Variants in DPP10 observed in about 807,000 individuals in gnomAD.
DPP10 encodes inactive dipeptidyl peptidase 10.
In DPP10, 33 loss-of-function variants were observed where a neutral mutation model predicts 120.9. The observed-to-expected ratio is 0.27, with a 90% CI of 0.21 to 0.37. DPP10 has a LOEUF of 0.37. DPP10 is among the 10% of genes least tolerant of loss of function. The pLI, the probability that DPP10 is intolerant of heterozygous loss-of-function variation, is 1.00. For missense variants in DPP10, 816 were observed against 942.8 expected (o/e 0.87, Z 1.76); for synonymous variants, 337 against 326.1 (o/e 1.03, Z -0.36).
At chr2:115,387,732 A>G (rs905802202) in intron 3 of DPP10, among the ~76,000 whole-genome samples, 2 of 152,124 alleles carry the variant, frequency 1.3e-5, no homozygotes, top group African/African-American at 4.8e-5. Flanking sequence ...TCACTTGGTT[A>G]TTGTGCTTTT....
At chr2:114,655,742 A>G (rs753868945) in intron 1 of DPP10, among the ~76,000 whole-genome samples, 5 of 152,174 alleles carry the variant, frequency 3.3e-5, no homozygotes, top group Non-Finnish European at 5.9e-5. Flanking sequence ...TACCTTTTAT[A>G]TCCGAATGTA....
At chr2:114,731,140 G>A (rs1477979154) in intron 1 of DPP10, among the ~76,000 whole-genome samples, 1 of 151,672 alleles carries the variant, frequency 6.6e-6, no homozygotes, top group African/African-American at 2.4e-5. Flanking sequence ...GGAATTCACA[G>A]CCTCGTTACT....
rs79895341 is a variant in DPP10, at chr2:114,553,981, A to G, written c.60+111143A>G. Among the ~76,000 whole-genome samples, 4 of 152,330 alleles carry G rather than the reference A, an allele frequency of 2.6e-5. No individual in the cohort carries two copies. The East Asian group carries it at 5.8e-4, about 22-fold the overall frequency. On this transcript the variant is annotated intron_variant, in intron 1 of 25. Coordinates refer to ENST00000410059, the MANE Select transcript of DPP10 (RefSeq NM_020868.6). ...CTGATAATAACAAGACAAGATACAT[A>G]AGATGATTTCCAATGTACTAGGAAG...
chr2:115,348,191 T>C (rs930052844), intron 3 of DPP10, among the ~76,000 whole-genome samples: 1 of 152,154 alleles, frequency 6.6e-6, no homozygotes, highest in Non-Finnish European at 1.5e-5. Flanking sequence ...GGTATCATTT[T>C]CTGAGTCCCA....
At chr2:114,519,059 T>C (rs1356684364) in intron 1 of DPP10, among the ~76,000 whole-genome samples, 2 of 152,260 alleles carry the variant, frequency 1.3e-5, no homozygotes, top group Non-Finnish European at 2.9e-5. Flanking sequence ...CTGATGAGTC[T>C]TAAAGTCATT....
chr2:114,736,095 G>A (rs1677405533), intron 1 of DPP10, among the ~76,000 whole-genome samples: 1 of 151,658 alleles, frequency 6.6e-6, no homozygotes, highest in African/African-American at 2.4e-5. Context: ...AATGAGCCTT[G>A]GAAGAAGCAT....
At chr2:114,853,427 A>G (rs1038800495) in intron 1 of DPP10, among the ~76,000 whole-genome samples, 2 of 152,076 alleles carry the variant, frequency 1.3e-5, no homozygotes, top group African/African-American at 4.8e-5. Context: ...GGCTTTTAAA[A>G]GGCTTGAAAT....
At chr2:115,464,405 C>CAAA (rs56750262) in intron 3 of DPP10, among the ~76,000 whole-genome samples, 3 of 149,280 alleles carry the variant, frequency 2.0e-5, no homozygotes, top group Non-Finnish European at 3.0e-5. Flanking sequence ...GTTCTGCAGC[C>CAAA]AAAAAAAAAC....
chr2:115,003,176 TAA>T (rs140794959), intron 1 of DPP10, among the ~76,000 whole-genome samples: 1 of 134,392 alleles, frequency 7.4e-6, no homozygotes. Flanking sequence ...TATGTAGCTA[TAA>T]AAAAAAAAAA....
At chr2:114,871,261 C>A (rs1690666341) in intron 1 of DPP10, among the ~76,000 whole-genome samples, 3 of 84,588 alleles carry the variant, frequency 3.5e-5, no homozygotes, top group African/African-American at 7.1e-5. Flanking sequence ...GGAAAGAACA[C>A]TGAAGAAACA....
intron 1 of DPP10, among the ~76,000 whole-genome samples, chr2:114,512,336 TAACC>T (rs888792518): frequency 2.6e-5 from 4 of 152,162 alleles, no homozygotes; most frequent in African/African-American, 9.7e-5. Flanking sequence ...GTTACTAAAC[TAACC>T]ATCCCTTCCT....
chr2:115,339,590 G>T (rs1191335743), intron 2 of DPP10, among the ~76,000 whole-genome samples: 2 of 152,032 alleles, frequency 1.3e-5, no homozygotes, highest in Non-Finnish European at 2.9e-5. Flanking sequence ...AAGAGTTAAA[G>T]AATGGTCTCT....
At chr2:115,252,566 T>C (rs1458028487) in intron 1 of DPP10, among the ~76,000 whole-genome samples, 1 of 152,204 alleles carries the variant, frequency 6.6e-6, no homozygotes, top group Non-Finnish European at 1.5e-5. Context: ...TTATGATTTA[T>C]TGAGAACATC....
chr2:115,384,393 C>A (rs554787084), intron 3 of DPP10, among the ~76,000 whole-genome samples: 2 of 130,914 alleles, frequency 1.5e-5, no homozygotes, highest in African/African-American at 5.4e-5. Flanking sequence ...GAAGCAGAAG[C>A]AGAAGAAGGA....
At chr2:115,602,135 A>G (rs988726957) in intron 5 of DPP10, among the ~76,000 whole-genome samples, 1 of 152,224 alleles carries the variant, frequency 6.6e-6, no homozygotes, top group East Asian at 1.9e-4. Context: ...CAGAAACTTA[A>G]CAGTCTCTAA....
intron 1 of DPP10, among the ~76,000 whole-genome samples, chr2:114,841,377 A>AT (rs924903280): frequency 3.3e-5 from 5 of 152,172 alleles, no homozygotes; most frequent in African/African-American, 1.2e-4. Context: ...AGGCTAAGAA[A>AT]TCTCAGCAGT....
At chr2:115,030,545 G>T (rs1703767741) in intron 1 of DPP10, among the ~76,000 whole-genome samples, 1 of 152,126 alleles carries the variant, frequency 6.6e-6, no homozygotes, top group Non-Finnish European at 1.5e-5. Context: ...AGTTAAATGT[G>T]TGCCATGGTG....
chr2:115,072,665 A>G (rs1351398290), intron 1 of DPP10, among the ~76,000 whole-genome samples: 1 of 152,220 alleles, frequency 6.6e-6, no homozygotes, highest in African/African-American at 2.4e-5. Flanking sequence ...AGTAGCAAAA[A>G]GGCATGCTTT....
At chr2:114,978,077 A>G (rs1331514455) in intron 1 of DPP10, among the ~76,000 whole-genome samples, 1 of 152,146 alleles carries the variant, frequency 6.6e-6, no homozygotes, top group African/African-American at 2.4e-5. Context: ...GAGTGAGGGT[A>G]TTAGCAGTTT....
Sources: gnomAD v4.1 joint callset for allele counts (sites outside exome capture counted in the v4.1 genomes callset) on GRCh38, gnomAD v4.1.1 for gene constraint, MANE v1.5 for transcripts, NCBI Gene and HGNC (gene_info 2026-07-23, HGNC 2026-07-21) for gene names.